Variants in NCKAP5 observed in about 807,000 individuals in gnomAD.
NCKAP5 encodes the protein NCK associated protein 5.
In NCKAP5, 92 loss-of-function variants were observed where a neutral mutation model predicts 167.0. The ratio of observed to expected loss-of-function variants is 0.55; its 90% confidence interval spans 0.47 to 0.66. The LOEUF (loss-of-function observed/expected upper bound fraction) is 0.66, where lower values mean the gene tolerates loss of function less well. Ranked by LOEUF, NCKAP5 falls within the 30% of genes least tolerant of loss-of-function variation. The pLI is 0.00. For missense variants in NCKAP5, 2,378 were observed against 2,315.0 expected, an observed-to-expected ratio of 1.03 and a Z score of -0.56; for synonymous variants, 891 against 877.4, an observed-to-expected ratio of 1.02 and a Z score of -0.27.
In NCKAP5 at chr2:132,782,893, G is replaced by A. The variant is rs376471685; in HGVS notation, c.3918C>T (p.Ala1306=). 19 of 1,613,838 alleles carry A rather than the reference G, an allele frequency of 1.2e-5. 1 individual carries two copies. Among genetic ancestry groups the A allele is most frequent in the East Asian group, 2.2e-5 (1 of 44,876 alleles). ...GCCGGGTAAGAGAATTGCCTCTCTCGGCGGTATTGGTAATGATCTGAGTGC... is the reference window on the plus strand; with the variant it reads ...GCCGGGTAAGAGAATTGCCTCTCTCAGCGGTATTGGTAATGATCTGAGTGC... ...KVRTQIITNT[A]ERGNSLTRQN... Residue 1306 remains alanine, a synonymous_variant, in exon 14 of 20, where the codon GCC becomes GCT. Transcript: ENST00000409261.
At chr2:133,019,262 T>G (rs1054880202) in intron 6 of NCKAP5, among the ~76,000 whole-genome samples, 1 of 152,180 alleles carries the variant, frequency 6.6e-6, no homozygotes, top group African/African-American at 2.4e-5. Flanking sequence ...TTTGTTATTA[T>G]CATTCAACTC....
chr2:133,564,276 C>G (rs1440670499), intron 1 of NCKAP5, among the ~76,000 whole-genome samples: 1 of 152,202 alleles, frequency 6.6e-6, no homozygotes, highest in Non-Finnish European at 1.5e-5. Flanking sequence ...AATAAGATAG[C>G]ATGAGCACAG....
the NCKAP5 span, among the ~76,000 whole-genome samples, chr2:133,606,294 T>C: frequency 6.6e-6 from 1 of 152,180 alleles, no homozygotes; most frequent in African/African-American, 2.4e-5. Flanking sequence ...ATGTTAAACA[T>C]TCTAAGAAGT....
chr2:132,933,867 C>G (rs1363562944), intron 8 of NCKAP5, among the ~76,000 whole-genome samples: 1 of 152,104 alleles, frequency 6.6e-6, no homozygotes, highest in African/African-American at 2.4e-5. Context: ...AAAAGAGCTA[C>G]AACAATAGCT....
Position 132,824,035 on chromosome 2 carries a change from G to A in NCKAP5, c.808-27306C>T, listed in dbSNP as rs559468036. ...TAACACTGGAGCTCCCAAATGTATT[G>A]GGGTGACTGTGGGTAATACATCTTT... On this transcript the variant is annotated intron_variant, in intron 11 of 19. Transcript: ENST00000409261. 3.9e-5 allele frequency among the ~76,000 whole-genome samples: 6 copies of A among 152,220 alleles called. No individual in the cohort carries two copies. In the East Asian group the frequency reaches 9.6e-4, roughly 24 times the overall value.
intron 3 of NCKAP5, among the ~76,000 whole-genome samples, chr2:133,304,375 T>C (rs1680623294): frequency 6.6e-6 from 1 of 152,206 alleles, no homozygotes; most frequent in Admixed American, 6.5e-5. Flanking sequence ...AAAACTGTTA[T>C]GATTCTAAGA....
In NCKAP5 at chr2:132,908,200, T is replaced by A. The variant is rs527646713; in HGVS notation, c.580-29284A>T. 9.8e-5 allele frequency among the ~76,000 whole-genome samples: 15 copies of A among 152,306 alleles called. 1 individual carries two copies. In the South Asian group the frequency reaches 2.9e-3, roughly 29 times the overall value. On this transcript the variant is annotated intron_variant, in intron 8 of 19. Transcript: ENST00000409261. ...TGGGGTTACACAAAACATTTTTTTT[T>A]TATATTTACACATCTAAATTACATC...
At chr2:133,290,420 A>G (rs1372197247) in intron 4 of NCKAP5, among the ~76,000 whole-genome samples, 1 of 152,224 alleles carries the variant, frequency 6.6e-6, no homozygotes, top group Non-Finnish European at 1.5e-5. Context: ...GAATAAAATT[A>G]TGAGATACAA....
chr2:132,982,222 G>A (rs950115599), intron 7 of NCKAP5, among the ~76,000 whole-genome samples: 3 of 152,166 alleles, frequency 2.0e-5, no homozygotes, highest in Non-Finnish European at 4.4e-5. Flanking sequence ...ATCTCTGATT[G>A]TTAAATGAAA....
chr2:133,567,810 C>T (rs947511789), intron 1 of NCKAP5, among the ~76,000 whole-genome samples: 2 of 152,144 alleles, frequency 1.3e-5, no homozygotes, highest in African/African-American at 4.8e-5. Context: ...TGGGTTCTCC[C>T]TGCAGTGTAC....
intron 8 of NCKAP5, among the ~76,000 whole-genome samples, chr2:132,896,053 T>G (rs1693176419): frequency 6.6e-6 from 1 of 152,124 alleles, no homozygotes; most frequent in Admixed American, 6.5e-5. Flanking sequence ...GAGTATCGCT[T>G]GAACCCAGGA....
chr2:133,464,229 CAT>C (rs1349807416), intron 3 of NCKAP5, among the ~76,000 whole-genome samples: 6 of 152,322 alleles, frequency 3.9e-5, no homozygotes, highest in Admixed American at 6.5e-5. Flanking sequence ...AATCTGTACA[CAT>C]GAGTCCTTCT....
intron 6 of NCKAP5, among the ~76,000 whole-genome samples, chr2:132,995,387 A>G (rs987578005): frequency 6.6e-6 from 1 of 152,164 alleles, no homozygotes; most frequent in African/African-American, 2.4e-5. Context: ...ACGGTGGCTC[A>G]TACCTGTGAT....
chr2:133,046,834 G>C (rs1176677700), intron 6 of NCKAP5, among the ~76,000 whole-genome samples: 3 of 152,096 alleles, frequency 2.0e-5, no homozygotes, highest in Admixed American at 1.3e-4. Context: ...TTAGCATAAG[G>C]GTTCTTCAGA....
chr2:133,321,762 A>G (rs908104160), intron 3 of NCKAP5, among the ~76,000 whole-genome samples: 3 of 152,204 alleles, frequency 2.0e-5, no homozygotes, highest in African/African-American at 7.2e-5. Context: ...CTAAAGCTCA[A>G]GCTCAATAAC....
the NCKAP5 span, among the ~76,000 whole-genome samples, chr2:133,619,773 A>G: frequency 6.6e-6 from 1 of 152,156 alleles, no homozygotes; most frequent in Non-Finnish European, 1.5e-5. Flanking sequence ...AATTCATTGT[A>G]AAAAGATCAT....
intron 19 of NCKAP5, among the ~76,000 whole-genome samples, chr2:132,690,544 G>A (rs527651087): frequency 9.2e-5 from 14 of 152,298 alleles, no homozygotes; most frequent in Non-Finnish European, 2.1e-4. Flanking sequence ...GCTCTTGCTT[G>A]TATCAATTAG....
chr2:133,001,685 AC>A (rs1254131773), intron 6 of NCKAP5, among the ~76,000 whole-genome samples: 1 of 151,908 alleles, frequency 6.6e-6, no homozygotes, highest in Non-Finnish European at 1.5e-5. Context: ...TATTTAAACC[AC>A]CCTGGCATTT....
intron 2 of NCKAP5, among the ~76,000 whole-genome samples, chr2:133,539,895 T>C (rs1348033794): frequency 2.0e-5 from 3 of 152,086 alleles, no homozygotes; most frequent in Admixed American, 6.6e-5. Flanking sequence ...AAAAATACTA[T>C]ACAGGCTGGG....
Sources: allele counts gnomAD v4.1 joint callset (sites outside exome capture counted in the v4.1 genomes callset), GRCh38; gene constraint gnomAD v4.1.1; transcripts MANE v1.5; gene names NCBI Gene and HGNC (gene_info 2026-07-23, HGNC 2026-07-21).